ADRA1D: variants seen among roughly 807,000 people sequenced by gnomAD.
ADRA1D encodes the protein alpha-1D adrenergic receptor.
ADRA1D carries 22 observed loss-of-function variants against 18.6 expected under a neutral mutation model. That is an observed-to-expected ratio of 1.19 (90% CI 0.85 to 1.69). ADRA1D has a LOEUF of 1.69. Among genes scored for constraint, ADRA1D ranks in the 40% most tolerant of loss-of-function variants. ADRA1D has a pLI of 0.00. For synonymous variants in ADRA1D, 376 were observed against 388.2 expected (o/e 0.97, Z 0.37); for missense variants, 840 against 840.7 (o/e 1.00, Z 0.01).
chr20:4,229,695 G>T (rs1980909089), intron 1 of ADRA1D, among the ~76,000 whole-genome samples: 1 of 152,052 alleles, frequency 6.6e-6, no homozygotes, highest in Non-Finnish European at 1.5e-5. Flanking sequence ...AGGAGACGAG[G>T]TTGGAACTCA....
At position 4,248,713 on chromosome 20, in the gene ADRA1D, T is replaced by C. The variant is rs1174027031; in HGVS notation, c.245A>G (p.Asn82Ser). Residue 82 changes from asparagine to serine, a missense_variant, in exon 1 of 2, where the codon AAT becomes AGT. Physicochemically the swap from Asn to Ser is conservative, Grantham distance 46 (BLOSUM62 1). Coordinates refer to ENST00000379453, the MANE Select transcript of ADRA1D (RefSeq NM_000678.4). Reference protein sequence around the residue: ...PGSAGAGGDVNGTAAVGGLVV... With the variant: ...PGSAGAGGDVSGTAAVGGLVV... ...CAGTCCCCCGACGGCCGCCGTGCCA[T>C]TCACGTCGCCGCCCGCGCCCGCGCT... 3 of 1,562,496 alleles carry C rather than the reference T, an allele frequency of 1.9e-6. No homozygotes were observed. The highest frequency in any genetic ancestry group is 2.6e-6 in the Non-Finnish European group (3 of 1,154,510).
Position 4,248,499 on chromosome 20 carries a change from C to G in ADRA1D, c.459G>C (p.Ser153=). 19 of 1,613,680 alleles carry G rather than the reference C, an allele frequency of 1.2e-5. No homozygotes were observed. Among genetic ancestry groups the G allele is most frequent in the Non-Finnish European group, 1.6e-5 (19 of 1,179,854 alleles). ...AGAAGCCCAGAACCTCCATGGTGGC[C>G]GAGAAGGGCAGTACGGTGGCGCTCA... ...LLLSATVLPF[S]ATMEVLGFWA... The change falls in exon 1 of 2, where the codon TCG becomes TCC. Residue 153 remains serine (S), a synonymous_variant. Transcript: ENST00000379453.
chr20:4,224,094 A>T (rs1158289432), intron 1 of ADRA1D, among the ~76,000 whole-genome samples: 1 of 152,182 alleles, frequency 6.6e-6, no homozygotes, highest in Non-Finnish European at 1.5e-5. Context: ...CTATAGGATA[A>T]ACTCAGAAAA....
rs767211906 is a variant in ADRA1D at position 4,221,799 on chromosome 20, C to G, written c.1443G>C (p.Gln481His). The G allele has an allele frequency of 6.4e-7, 1 of 1,560,742 alleles. No homozygotes were observed. Among genetic ancestry groups the G allele is most frequent in the Non-Finnish European group, 8.6e-7 (1 of 1,158,068 alleles). The stretch of plus-strand genomic sequence containing the variant: ...GCTTTCGACGGCTGGCGACCGGAGC[C>G]TGCATCTCGGGCGTGCCTGGGGGTT... ...DPEPPGTPEM[Q>H]APVASRRKPP... Residue 481 changes from glutamine to histidine, a missense_variant, in exon 2 of 2, where the codon CAG becomes CAC. Transcript: ENST00000379453.
chr20:4,232,181 T>G (rs929705770), intron 1 of ADRA1D, among the ~76,000 whole-genome samples: 1 of 152,218 alleles, frequency 6.6e-6, no homozygotes, highest in African/African-American at 2.4e-5. Context: ...CCTAAAATGC[T>G]GGGATTACAG....
At chr20:4,238,072 AC>A (rs1227230244) in intron 1 of ADRA1D, among the ~76,000 whole-genome samples, 6 of 116,814 alleles carry the variant, frequency 5.1e-5, no homozygotes, top group South Asian at 3.0e-4. Context: ...ACATGGTGAA[AC>A]CCCCCCCGTC....
chr20:4,222,262 T>G lies in ADRA1D; in HGVS notation c.1112-132A>C. ...CTAGGAGTTCTCAAGGGATCCGTGC[T>G]GTAAATCAGGAGGTCCATGAACTTG... On this transcript the variant is annotated intron_variant, in intron 1 of 1. Coordinates refer to ENST00000379453, the MANE Select transcript of ADRA1D (RefSeq NM_000678.4). This position sits in a 1 kb window ranked among gnomAD's most constrained non-coding sequence, Gnocchi z 4.3. The G allele has an allele frequency of 7.7e-7, 1 of 1,295,416 alleles. No individual in the cohort carries two copies. Among genetic ancestry groups the G allele is most frequent in the East Asian group, 2.7e-5 (1 of 36,364 alleles). 80.2% of individuals were successfully genotyped at this position (1,295,416 alleles called of 1,614,324 possible). A position where few individuals can be genotyped will look rare whatever the true frequency, so the allele number is the denominator to read the frequency against.
In ADRA1D at chr20:4,248,807, C is replaced by T. The variant is rs1981424996; in HGVS notation, c.151G>A (p.Gly51Ser). 5 of 1,101,048 alleles carry T rather than the reference C, an allele frequency of 4.5e-6. No individual in the cohort carries two copies. Among genetic ancestry groups the T allele is most frequent in the Admixed American group, 5.2e-5 (1 of 19,254 alleles). The allele number at this position is 1,101,048 out of a possible 1,614,324, so 68.2% of individuals were successfully genotyped here. Residue 51 changes from glycine to serine, a missense_variant, in exon 1 of 2, where the codon GGC becomes AGC. By Grantham distance (56) the Gly-to-Ser change is moderately conservative (BLOSUM62 0). Transcript: ENST00000379453. ...PAVGGVPGGA[G>S]GGGGVVGAGS... is the part of the protein sequence containing the mutation. ...GCGCCCACCACGCCGCCGCCGCCGC[C>T]CGCGCCCCCCGGCACGCCGCCCACC...
chr20:4,227,849 C>T (rs1274578511), intron 1 of ADRA1D, among the ~76,000 whole-genome samples: 6 of 151,572 alleles, frequency 4.0e-5, no homozygotes, highest in South Asian at 2.1e-4. Context: ...TCAGGTGATC[C>T]GCCTGCCTTG....
intron 1 of ADRA1D, among the ~76,000 whole-genome samples, chr20:4,233,412 G>C (rs1402990467): frequency 6.6e-6 from 1 of 152,082 alleles, no homozygotes; most frequent in African/African-American, 2.4e-5. Context: ...AATGAGCTAT[G>C]ATTGCATCAC....
rs572237093 is a variant in ADRA1D, at chr20:4,220,982, C to T, written c.*541G>A. The T allele has an allele frequency of 6.5e-6, 1 of 152,722 alleles. No individual in the cohort carries two copies. The highest frequency in any genetic ancestry group is 2.4e-5 in the African/African-American group (1 of 41,432). 9.5% of individuals were successfully genotyped at this position (152,722 alleles called of 1,614,324 possible). A position where few individuals can be genotyped will look rare whatever the true frequency, so the allele number is the denominator to read the frequency against. On this transcript the variant is annotated 3_prime_UTR_variant, in exon 2 of 2. Coordinates refer to ENST00000379453, the MANE Select transcript of ADRA1D (RefSeq NM_000678.4). ...CGGGCCCATGGATAAATACAGCAGG[C>T]TTGTATGACGGCTATACAATCTGCC...
At chr20:4,232,198 G>A (rs1424055183) in intron 1 of ADRA1D, among the ~76,000 whole-genome samples, 1 of 152,192 alleles carries the variant, frequency 6.6e-6, no homozygotes, top group Non-Finnish European at 1.5e-5. Flanking sequence ...ACAGGCATTC[G>A]CCACTGCGCC....
rs1324679825 is a variant in ADRA1D, at chr20:4,248,677, G to A, written c.281C>T (p.Ala94Val). 3.8e-6 allele frequency: 6 copies of A among 1,595,796 alleles called. No individual in the cohort carries two copies. In the African/African-American group the frequency reaches 6.7e-5, roughly 18 times the overall value. The change falls in exon 1 of 2, where the codon GCG becomes GTG. Residue 94 changes from alanine to valine, a missense_variant. Transcript: ENST00000379453. ...GAAGACGCCCACGCCCACGCCCTGCGCGCTCACCACCAGTCCCCCGACGGC... is the reference window on the plus strand; with the variant it reads ...GAAGACGCCCACGCCCACGCCCTGCACGCTCACCACCAGTCCCCCGACGGC... ...TAAVGGLVVS[A>V]QGVGVGVFLA...
Position 4,221,784 on chromosome 20 carries a change from G to A in ADRA1D, c.1458C>T (p.Ser486=). 6.3e-7 allele frequency: 1 copy of A among 1,577,122 alleles called. No individual in the cohort carries two copies. Among genetic ancestry groups the A allele is most frequent in the African/African-American group, 1.4e-5 (1 of 73,828 alleles). The part of the protein sequence containing the change: ...GTPEMQAPVA[S]RRKPPSAFRE... ...GGAAGGCGCTGGGTGGCTTTCGACG[G>A]CTGGCGACCGGAGCCTGCATCTCGG... Residue 486 remains serine, a synonymous_variant, in exon 2 of 2, where the codon AGC becomes AGT. Coordinates refer to ENST00000379453, the MANE Select transcript of ADRA1D (RefSeq NM_000678.4).
intron 1 of ADRA1D, among the ~76,000 whole-genome samples, chr20:4,231,088 T>TCTC (rs1568764770): frequency 1.5e-4 from 13 of 84,536 alleles, no homozygotes; most frequent in African/African-American, 5.9e-4. Flanking sequence ...CTCTCTTTTC[T>TCTC]TTTCTTTTCT....
chr20:4,246,192 G>A (rs545399486), intron 1 of ADRA1D, among the ~76,000 whole-genome samples: 2 of 152,262 alleles, frequency 1.3e-5, no homozygotes, highest in South Asian at 4.1e-4. Flanking sequence ...GAGTGCCGTG[G>A]ACTCAGTGAT....
rs1265172012 is a variant in ADRA1D at position 4,241,262 on chromosome 20, G to A, written c.1111+6585C>T. On this transcript the variant is annotated intron_variant, in intron 1 of 1. Transcript: ENST00000379453. ...AGGGAGAAAGGGCGCTAGGAAATTG[G>A]GAATTGCTAATCAATGGGCATAAAG... is the stretch of plus-strand genomic sequence containing the variant. 2.0e-5 allele frequency among the ~76,000 whole-genome samples: 3 copies of A among 152,156 alleles called. No individual in the cohort carries two copies. In the East Asian group the frequency reaches 5.8e-4, roughly 29 times the overall value.
intron 1 of ADRA1D, among the ~76,000 whole-genome samples, chr20:4,226,404 G>A: frequency 6.6e-6 from 1 of 152,224 alleles, no homozygotes; most frequent in East Asian, 1.9e-4. Flanking sequence ...GAAACAGCTT[G>A]AGTGAGTGGG....
At position 4,244,648 on chromosome 20, in the gene ADRA1D, A is replaced by G. The variant is rs528146035; in HGVS notation, c.1111+3199T>C. Among the ~76,000 whole-genome samples the G allele has an allele frequency of 4.6e-5, 7 of 152,176 alleles. No individual in the cohort carries two copies. The East Asian group carries it at 1.4e-3, about 29-fold the overall frequency. The stretch of plus-strand genomic sequence containing the variant: ...GCTGCTCAGTGTTCCCTGTTCCTTC[A>G]AAGGTATCTCCCTCCTCCCAGGCCT... On this transcript the variant is annotated intron_variant, in intron 1 of 1. Coordinates refer to ENST00000379453, the MANE Select transcript of ADRA1D (RefSeq NM_000678.4).
Sources: allele counts gnomAD v4.1 joint callset (sites outside exome capture counted in the v4.1 genomes callset), GRCh38; gene constraint gnomAD v4.1.1; non-coding constraint Gnocchi (gnomAD v3.1); transcripts MANE v1.5; gene names NCBI Gene and HGNC (gene_info 2026-07-23, HGNC 2026-07-21).